The following SELENOF variants were observed in gnomAD, a reference collection of about 807,000 sequenced individuals.
SELENOF encodes 15 kDa selenoprotein.
In SELENOF, 16 loss-of-function variants were observed where a neutral mutation model predicts 20.5. That is an observed-to-expected ratio of 0.78 (90% CI 0.53 to 1.19). The LOEUF (loss-of-function observed/expected upper bound fraction) is 1.19. Among genes scored for constraint, SELENOF ranks in the 50% most tolerant of loss-of-function variants. The probability of loss-of-function intolerance (pLI) is 0.00; values close to 1 mark genes in which losing one functional copy is unlikely to be tolerated. For missense variants in SELENOF, 215 were observed against 194.2 expected (o/e 1.11, Z -0.64); for synonymous variants, 78 against 74.5 (o/e 1.05, Z -0.24).
chr1:86,913,889 C>T, intron 1 of SELENOF, 139 bp downstream of exon 1: 1 of 750,070 alleles, frequency 1.3e-6, no homozygotes, highest in Non-Finnish European at 2.3e-6. Context: ...AATTAAGCCA[C>T]GTTGCATTCT....
At chr1:86,888,350 G>A (rs1032985375) in intron 2 of SELENOF, among the ~76,000 whole-genome samples, 6 of 151,924 alleles carry the variant, frequency 3.9e-5, no homozygotes, top group African/African-American at 1.5e-4. Flanking sequence ...TAGCCCCTTG[G>A]TAATACTAAA....
chr1:86,911,784 A>T (rs1052850043), intron 1 of SELENOF, among the ~76,000 whole-genome samples: 7 of 140,084 alleles, frequency 5.0e-5, no homozygotes, highest in Admixed American at 1.4e-4. Flanking sequence ...TAAAATGACT[A>T]TTTTTTTTTT....
chr1:86,865,582 T>TA (rs1164059038), intron 4 of SELENOF, among the ~76,000 whole-genome samples: 1 of 152,296 alleles, frequency 6.6e-6, no homozygotes, highest in East Asian at 1.9e-4. Flanking sequence ...CAGTACCTCA[T>TA]ACCTATTAGG....
chr1:86,913,789 T>A (rs757241179), intron 1 of SELENOF: 39 of 542,058 alleles, frequency 7.2e-5, no homozygotes, highest in Admixed American at 1.5e-4. Context: ...AAGAGCCGTA[T>A]AAGAGAAGCT....
At chr1:86,864,980 T>C (rs1658555773) in intron 4 of SELENOF, among the ~76,000 whole-genome samples, 1 of 152,032 alleles carries the variant, frequency 6.6e-6, no homozygotes, top group African/African-American at 2.4e-5. Context: ...TCTTTTTTGC[T>C]TGGATTTGAG....
chr1:86,909,558 C>G (rs550986867), intron 1 of SELENOF, among the ~76,000 whole-genome samples: 1 of 152,058 alleles, frequency 6.6e-6, no homozygotes, highest in Admixed American at 6.6e-5. Flanking sequence ...TGAGACACAA[C>G]GAAGGGAATA....
chr1:86,884,931 A>C (rs1323986232), intron 2 of SELENOF, among the ~76,000 whole-genome samples: 1 of 152,230 alleles, frequency 6.6e-6, no homozygotes, highest in Non-Finnish European at 1.5e-5. Context: ...ATTTCCATGT[A>C]ACTTATGACC....
At chr1:86,879,747 C>CAA (rs1350331471) in intron 3 of SELENOF, among the ~76,000 whole-genome samples, 2 of 152,210 alleles carry the variant, frequency 1.3e-5, no homozygotes, top group Non-Finnish European at 2.9e-5. Context: ...ACATGCAAGA[C>CAA]AAAAGCCTTA....
At chr1:86,903,166 CT>C in intron 2 of SELENOF, 114 bp downstream of exon 2, 1 of 899,076 alleles carries the variant, frequency 1.1e-6, no homozygotes, top group Non-Finnish European at 1.6e-6. Flanking sequence ...TTGAGTTTTA[CT>C]AAAAAATGTA....
At chr1:86,900,045 G>A (rs1463579313) in intron 2 of SELENOF, among the ~76,000 whole-genome samples, 1 of 150,508 alleles carries the variant, frequency 6.6e-6, no homozygotes, top group Non-Finnish European at 1.5e-5. Flanking sequence ...CCGGGAAGAG[G>A]CGCTCCTCAC....
chr1:86,893,169 AATAG>A (rs1265339974), intron 2 of SELENOF, among the ~76,000 whole-genome samples: 1 of 152,208 alleles, frequency 6.6e-6, no homozygotes, highest in Non-Finnish European at 1.5e-5. Context: ...GTGAGGATTA[AATAG>A]ATAATGTAGG....
intron 2 of SELENOF, among the ~76,000 whole-genome samples, chr1:86,899,453 C>T (rs1186880589): frequency 7.8e-6 from 1 of 127,608 alleles, no homozygotes; most frequent in East Asian, 2.0e-4. Flanking sequence ...GGGCGGCTGG[C>T]CGGGCAGAGG....
At chr1:86,864,478 C>G (rs1039839671) in intron 4 of SELENOF, among the ~76,000 whole-genome samples, 1 of 152,136 alleles carries the variant, frequency 6.6e-6, no homozygotes, top group African/African-American at 2.4e-5. Flanking sequence ...TTCAGTTTAT[C>G]TAGGGTATTC....
intron 2 of SELENOF, among the ~76,000 whole-genome samples, chr1:86,882,986 G>A (rs992177476): frequency 6.6e-6 from 1 of 152,028 alleles, no homozygotes; most frequent in Admixed American, 6.6e-5. Flanking sequence ...AATTGGCTGG[G>A]TGTGGTGGCA....
intron 2 of SELENOF, among the ~76,000 whole-genome samples, chr1:86,888,502 T>C (rs1003236785): frequency 2.0e-5 from 3 of 152,194 alleles, no homozygotes; most frequent in African/African-American, 2.4e-5. Flanking sequence ...CTCAAACTCC[T>C]GGACAAAGTG....
chr1:86,881,991 A>AG (rs1157522404), intron 2 of SELENOF, among the ~76,000 whole-genome samples: 2 of 152,054 alleles, frequency 1.3e-5, no homozygotes, highest in Admixed American at 6.6e-5. Context: ...TGCCGCTCTT[A>AG]GGGAGGCTGA....
intron 2 of SELENOF, among the ~76,000 whole-genome samples, chr1:86,885,659 C>T (rs1454759991): frequency 1.3e-5 from 2 of 152,120 alleles, no homozygotes; most frequent in Non-Finnish European, 2.9e-5. Context: ...TTAAGAAAAC[C>T]TTGATAAACT....
intron 2 of SELENOF, among the ~76,000 whole-genome samples, chr1:86,882,247 C>CAAAAAAAAAA (rs61037512): frequency 1.3e-4 from 8 of 61,846 alleles, no homozygotes; most frequent in African/African-American, 1.9e-4. Context: ...GACTCTGTCT[C>CAAAAAAAAAA]AAAAAAAAAA....
chr1:86,879,897 T>A (rs2783973), intron 3 of SELENOF, among the ~76,000 whole-genome samples: 1 of 152,250 alleles, frequency 6.6e-6, no homozygotes, highest in South Asian at 2.1e-4. Context: ...CTCTCTTTTG[T>A]ATTTCAAATT....
Sources: gnomAD v4.1 joint callset for allele counts (sites outside exome capture counted in the v4.1 genomes callset) on GRCh38, gnomAD v4.1.1 for gene constraint, MANE v1.5 for transcripts, NCBI Gene and HGNC (gene_info 2026-07-23, HGNC 2026-07-21) for gene names.